CAMKMT: variants seen among roughly 807,000 people sequenced by gnomAD.
CAMKMT encodes CaM KMT.
In CAMKMT, 53 loss-of-function variants were observed where a neutral mutation model predicts 48.0. That is an observed-to-expected ratio of 1.10 (90% CI 0.89 to 1.39). CAMKMT has a LOEUF of 1.39. Among genes scored for constraint, CAMKMT ranks in the 40% most tolerant of loss-of-function variants. CAMKMT has a pLI of 0.00. For synonymous variants in CAMKMT, 165 were observed against 152.3 expected (o/e 1.08, Z -0.61); for missense variants, 428 against 402.7 (o/e 1.06, Z -0.54).
At chr2:44,642,838 C>T (rs192034627) in intron 3 of CAMKMT, among the ~76,000 whole-genome samples, 6 of 152,134 alleles carry the variant, frequency 3.9e-5, no homozygotes, top group South Asian at 2.1e-4. Context: ...ACTTCATCCA[C>T]GGTATGAAAT....
intron 3 of CAMKMT, among the ~76,000 whole-genome samples, chr2:44,435,812 G>A (rs1666204624): frequency 6.6e-6 from 1 of 152,168 alleles, no homozygotes; most frequent in South Asian, 2.1e-4. Flanking sequence ...TTTGAATTCT[G>A]CCTTTTTAGT....
intron 3 of CAMKMT, among the ~76,000 whole-genome samples, chr2:44,690,631 A>G (rs1365110872): frequency 6.6e-6 from 1 of 152,202 alleles, no homozygotes; most frequent in Non-Finnish European, 1.5e-5. Flanking sequence ...TGTAAAGTAC[A>G]CAGCCCAGTG....
At chr2:44,385,210 A>G (rs1680665224) in intron 2 of CAMKMT, among the ~76,000 whole-genome samples, 1 of 151,668 alleles carries the variant, frequency 6.6e-6, no homozygotes, top group African/African-American at 2.4e-5. Flanking sequence ...TTGGTTAGGT[A>G]TATTCCTAAG....
At chr2:44,576,052 T>C (rs548867171) in intron 3 of CAMKMT, among the ~76,000 whole-genome samples, 3 of 151,718 alleles carry the variant, frequency 2.0e-5, no homozygotes, top group East Asian at 2.0e-4. Context: ...GGAGGCTGGG[T>C]GCAGTGGCTC....
chr2:44,581,257 G>A (rs1422533340), intron 3 of CAMKMT, among the ~76,000 whole-genome samples: 1 of 152,148 alleles, frequency 6.6e-6, no homozygotes, highest in East Asian at 1.9e-4. Context: ...AAACCTTTAT[G>A]TATATAGCTG....
At chr2:44,530,974 A>C (rs1666452836) in intron 3 of CAMKMT, among the ~76,000 whole-genome samples, 1 of 151,994 alleles carries the variant, frequency 6.6e-6, no homozygotes, top group Non-Finnish European at 1.5e-5. Flanking sequence ...CCCATTGTGC[A>C]TATGAACTTG....
intron 3 of CAMKMT, among the ~76,000 whole-genome samples, chr2:44,677,327 T>C (rs1164594859): frequency 6.6e-6 from 1 of 152,180 alleles, no homozygotes; most frequent in African/African-American, 2.4e-5. Context: ...TCCCTTGTAT[T>C]ATTTTGCAAG....
At chr2:44,540,643 T>G (rs1667048274) in intron 3 of CAMKMT, among the ~76,000 whole-genome samples, 1 of 152,116 alleles carries the variant, frequency 6.6e-6, no homozygotes, top group Non-Finnish European at 1.5e-5. Flanking sequence ...CCCAGCTACT[T>G]GGGAGGCTGA....
At chr2:44,493,907 A>G (rs939293221) in intron 3 of CAMKMT, among the ~76,000 whole-genome samples, 2 of 152,196 alleles carry the variant, frequency 1.3e-5, no homozygotes, top group African/African-American at 4.8e-5. Context: ...TTACTCTTCA[A>G]GTGACATTAC....
intron 10 of CAMKMT, among the ~76,000 whole-genome samples, chr2:44,768,578 C>G (rs952258112): frequency 6.6e-6 from 1 of 151,912 alleles, no homozygotes; most frequent in East Asian, 1.9e-4. Flanking sequence ...GAGCGGGCAG[C>G]GCCGCTGCTC....
chr2:44,367,334 A>C (rs1234645364), intron 1 of CAMKMT, among the ~76,000 whole-genome samples: 3 of 152,258 alleles, frequency 2.0e-5, no homozygotes. Context: ...GAGAGCCGAC[A>C]TGTTGCCACG....
At chr2:44,613,364 C>T (rs1158484749) in intron 3 of CAMKMT, among the ~76,000 whole-genome samples, 1 of 152,132 alleles carries the variant, frequency 6.6e-6, no homozygotes. Context: ...CCTCCAGAAA[C>T]CTCCAGATCT....
At chr2:44,607,359 G>T (rs548440837) in intron 3 of CAMKMT, among the ~76,000 whole-genome samples, 1 of 152,160 alleles carries the variant, frequency 6.6e-6, no homozygotes, top group Admixed American at 6.5e-5. Flanking sequence ...CTAATTTGGG[G>T]AAGGAAGGTT....
At chr2:44,538,953 T>G (rs1391419216) in intron 3 of CAMKMT, among the ~76,000 whole-genome samples, 7 of 97,632 alleles carry the variant, frequency 7.2e-5, no homozygotes, top group African/African-American at 1.9e-4. Flanking sequence ...TTTCTGTGTG[T>G]GTGTCTGTGT....
At chr2:44,678,706 G>C (rs143478370) in intron 3 of CAMKMT, among the ~76,000 whole-genome samples, 1 of 152,300 alleles carries the variant, frequency 6.6e-6, no homozygotes, top group Non-Finnish European at 1.5e-5. Context: ...TCATGAGTAA[G>C]ACTGTAATTG....
chr2:44,696,098 A>G (rs1676935883), intron 3 of CAMKMT, among the ~76,000 whole-genome samples: 1 of 151,904 alleles, frequency 6.6e-6, no homozygotes, highest in East Asian at 1.9e-4. Context: ...GTACACCACC[A>G]TGCCTGGCTA....
intron 3 of CAMKMT, among the ~76,000 whole-genome samples, chr2:44,462,969 A>G (rs568038144): frequency 6.6e-6 from 1 of 152,302 alleles, no homozygotes; most frequent in South Asian, 2.1e-4. Flanking sequence ...ATTGATCGTT[A>G]AATCTAGAGG....
chr2:44,532,048 A>G (rs949961815), intron 3 of CAMKMT, among the ~76,000 whole-genome samples: 10 of 152,058 alleles, frequency 6.6e-5, no homozygotes, highest in Non-Finnish European at 1.5e-4. Flanking sequence ...TCTCCTATAG[A>G]CCTCTGTACA....
intron 3 of CAMKMT, among the ~76,000 whole-genome samples, chr2:44,564,386 G>T (rs1668498384): frequency 6.6e-6 from 1 of 151,964 alleles, no homozygotes; most frequent in African/African-American, 2.4e-5. Context: ...CCTTGGCCAG[G>T]TTAGTCTCAA....
Sources: allele counts gnomAD v4.1 joint callset (sites outside exome capture counted in the v4.1 genomes callset), GRCh38; gene constraint gnomAD v4.1.1; transcripts MANE v1.5; gene names NCBI Gene and HGNC (gene_info 2026-07-23, HGNC 2026-07-21).